MAD1L1: variants seen among roughly 807,000 people sequenced by gnomAD.
MAD1L1 encodes mitotic spindle assembly checkpoint protein MAD1.
Under a neutral mutation model 96.9 loss-of-function variants are expected in MAD1L1, and 95 were observed. The observed-to-expected ratio is 0.98, with a 90% CI of 0.83 to 1.16. The LOEUF (loss-of-function observed/expected upper bound fraction) is 1.16. MAD1L1 is among the 50% of genes most tolerant of loss of function. MAD1L1 has a pLI of 0.00. For synonymous variants in MAD1L1, 473 were observed against 396.6 expected (o/e 1.19, Z -2.29); for missense variants, 1,007 against 954.4 (o/e 1.06, Z -0.73).
intron 13 of MAD1L1, among the ~76,000 whole-genome samples, chr7:2,012,735 G>A (rs910504354): frequency 2.0e-5 from 3 of 152,190 alleles, no homozygotes; most frequent in Non-Finnish European, 4.4e-5. Flanking sequence ...GTGGGGACAC[G>A]GCATAGTTCC....
chr7:2,161,692 A>C (rs1188468978), intron 10 of MAD1L1, among the ~76,000 whole-genome samples: 3 of 142,478 alleles, frequency 2.1e-5, no homozygotes, highest in Non-Finnish European at 4.5e-5. Flanking sequence ...ATCGTCTGGG[A>C]TGTGGGGAGC....
intron 11 of MAD1L1, among the ~76,000 whole-genome samples, chr7:2,122,745 C>T (rs1788038442): frequency 1.3e-5 from 2 of 152,216 alleles, no homozygotes; most frequent in African/African-American, 2.4e-5. Context: ...GCCAGAGCCA[C>T]GACTGCCACC....
At chr7:2,059,835 T>C (rs1483850660) in intron 12 of MAD1L1, among the ~76,000 whole-genome samples, 1 of 152,008 alleles carries the variant, frequency 6.6e-6, no homozygotes, top group Non-Finnish European at 1.5e-5. Flanking sequence ...CAATGGTACA[T>C]CCACAGGCCA....
intron 18 of MAD1L1, among the ~76,000 whole-genome samples, chr7:1,852,854 A>G (rs1292995047): frequency 6.6e-6 from 1 of 152,200 alleles, no homozygotes; most frequent in East Asian, 1.9e-4. Flanking sequence ...AGACTCTGAG[A>G]GCCGCACGTG....
chr7:2,178,667 C>T (rs767084774), intron 10 of MAD1L1, among the ~76,000 whole-genome samples: 2 of 152,202 alleles, frequency 1.3e-5, no homozygotes, highest in Non-Finnish European at 2.9e-5. Context: ...GAGGCCAAGG[C>T]GGGCAGATCA....
At chr7:2,056,761 TG>T (rs1483985405) in intron 12 of MAD1L1, among the ~76,000 whole-genome samples, 1 of 152,088 alleles carries the variant, frequency 6.6e-6, no homozygotes, top group Admixed American at 6.5e-5. Context: ...GGGGGACTGT[TG>T]TGGGGCCACA....
At chr7:2,083,553 G>A (rs949764806) in intron 11 of MAD1L1, among the ~76,000 whole-genome samples, 1 of 152,210 alleles carries the variant, frequency 6.6e-6, no homozygotes, top group African/African-American at 2.4e-5. Flanking sequence ...CTCCAAGGTG[G>A]GTCAGTGGGT....
intron 10 of MAD1L1, among the ~76,000 whole-genome samples, chr7:2,181,180 T>C (rs1290244450): frequency 1.3e-5 from 2 of 152,388 alleles, no homozygotes; most frequent in African/African-American, 4.8e-5. Flanking sequence ...ACTGATTGAT[T>C]GCTTTCTCCA....
chr7:1,965,512 G>A (rs1780126767), intron 15 of MAD1L1, among the ~76,000 whole-genome samples: 1 of 152,246 alleles, frequency 6.6e-6, no homozygotes, highest in South Asian at 2.1e-4. Flanking sequence ...TGAGGCTGCT[G>A]TACCAGGAGC....
At chr7:1,850,684 C>T (rs865877622) in intron 18 of MAD1L1, among the ~76,000 whole-genome samples, 1 of 152,160 alleles carries the variant, frequency 6.6e-6, no homozygotes, top group African/African-American at 2.4e-5. Flanking sequence ...GGGGAACAGG[C>T]ACCCCAGGGC....
intron 11 of MAD1L1, among the ~76,000 whole-genome samples, chr7:2,100,839 G>A (rs1024541759): frequency 4.6e-5 from 7 of 152,252 alleles, no homozygotes; most frequent in African/African-American, 1.4e-4. Flanking sequence ...AAGCCCCAGC[G>A]ACTGGAGGCG....
intron 10 of MAD1L1, among the ~76,000 whole-genome samples, chr7:2,177,156 T>C (rs1790987481): frequency 6.6e-6 from 1 of 152,246 alleles, no homozygotes. Flanking sequence ...TTTTTCTGTA[T>C]CCGAGTCCTT....
At chr7:1,872,337 C>T (rs1562477920) in intron 18 of MAD1L1, among the ~76,000 whole-genome samples, 1 of 152,204 alleles carries the variant, frequency 6.6e-6, no homozygotes, top group East Asian at 1.9e-4. Context: ...GGCCCTGAGC[C>T]CCAGGAAGTG....
intron 18 of MAD1L1, among the ~76,000 whole-genome samples, chr7:1,859,734 A>AC (rs1354147549): frequency 6.6e-6 from 1 of 152,086 alleles, no homozygotes; most frequent in African/African-American, 2.4e-5. Flanking sequence ...CCTAGACGTG[A>AC]CATCCTGCAG....
intron 12 of MAD1L1, among the ~76,000 whole-genome samples, chr7:2,019,526 A>G (rs1034709179): frequency 2.0e-5 from 3 of 152,268 alleles, no homozygotes; most frequent in Admixed American, 1.3e-4. Flanking sequence ...GAATGCCCCA[A>G]AGAGTGCTTA....
chr7:2,079,170 T>G lies in MAD1L1; in HGVS notation c.1074-9832A>C, dbSNP rs531864131. Among the ~76,000 whole-genome samples the G allele has an allele frequency of 5.9e-5, 9 of 152,228 alleles. No individual in the cohort carries two copies. In the South Asian group the frequency reaches 1.9e-3, roughly 32 times the overall value. ...GGGCAGCCGCACTCAGTGGCACAGG[T>G]GGGCACTTGCAGGTGAAAGAGAGGG... On this transcript the variant is annotated intron_variant, in intron 11 of 18. Transcript: ENST00000265854.
rs375396151 is a variant in MAD1L1 at position 1,885,315 on chromosome 7, C to T, written c.1998+12885G>A. On this transcript the variant is annotated intron_variant, in intron 18 of 18. Coordinates refer to ENST00000265854, the MANE Select transcript of MAD1L1 (RefSeq NM_001013836.2). ...TCTGCCCACACCACAGCGTCCCTCT[C>T]GCGGGTCCTTTGTTCTCGGTCTATC... Among the ~76,000 whole-genome samples, 5 of 152,308 alleles carry T rather than the reference C, an allele frequency of 3.3e-5. No individual in the cohort carries two copies. The East Asian group carries it at 5.8e-4, about 18-fold the overall frequency.
At chr7:1,972,838 C>T (rs1452022409) in intron 15 of MAD1L1, among the ~76,000 whole-genome samples, 1 of 152,140 alleles carries the variant, frequency 6.6e-6, no homozygotes, top group East Asian at 1.9e-4. Context: ...AGCTGGACCC[C>T]ACTTACTTAG....
chr7:1,865,611 A>G (rs915741223), intron 18 of MAD1L1, among the ~76,000 whole-genome samples: 4 of 152,214 alleles, frequency 2.6e-5, no homozygotes, highest in Admixed American at 6.5e-5. Flanking sequence ...CAATATTAAT[A>G]CCATCACCTC....
Sources: allele counts gnomAD v4.1 joint callset (sites outside exome capture counted in the v4.1 genomes callset), GRCh38; gene constraint gnomAD v4.1.1; transcripts MANE v1.5; gene names NCBI Gene and HGNC (gene_info 2026-07-23, HGNC 2026-07-21).